Variants in TTI2 observed in about 807,000 individuals in gnomAD.
TTI2 encodes the protein TELO2 interacting protein 2.
TTI2 carries 26 observed loss-of-function variants against 44.9 expected under a neutral mutation model. That is an observed-to-expected ratio of 0.58 (90% CI 0.42 to 0.80). The LOEUF is 0.80. Among genes scored for constraint, TTI2 ranks in the 30% least tolerant of loss-of-function variants. The pLI, the probability that TTI2 is intolerant of heterozygous loss-of-function variation, is 0.00. For synonymous variants in TTI2, 254 were observed against 250.9 expected (o/e 1.01, Z -0.12); for missense variants, 582 against 611.6 (o/e 0.95, Z 0.51).
intron 3 of TTI2, among the ~76,000 whole-genome samples, chr8:33,509,148 A>AG (rs1205782428): frequency 2.1e-5 from 3 of 145,504 alleles, no homozygotes; most frequent in Admixed American, 1.4e-4. Context: ...AAAAAAAAAA[A>AG]AAAGAAAGAA....
At chr8:33,499,346 C>G (rs1585320210) in intron 7 of TTI2, 69 bp from the exon 8 acceptor site, 2 of 1,121,438 alleles carry the variant, frequency 1.8e-6, no homozygotes, top group East Asian at 4.8e-5. Flanking sequence ...TTGCTTGATT[C>G]TTCTTCCTTG....
At chr8:33,511,883 C>G in intron 2 of TTI2, 84 bp downstream of exon 2, 1 of 1,467,384 alleles carries the variant, frequency 6.8e-7, no homozygotes, top group African/African-American at 1.4e-5. Flanking sequence ...GAGTGAAACT[C>G]TGTCTCGAAA....
chr8:33,500,165 A>G, intron 7 of TTI2, 163 bp downstream of exon 7: 1 of 719,628 alleles, frequency 1.4e-6, no homozygotes, highest in Non-Finnish European at 2.2e-6. Context: ...AATAAGAAAA[A>G]AGATCAAGCT....
At chr8:33,500,626 C>T (rs576709231) in intron 6 of TTI2, 136 bp from the exon 7 acceptor site, 14 of 1,099,658 alleles carry the variant, frequency 1.3e-5, no homozygotes, top group Middle Eastern at 3.1e-4. Flanking sequence ...TGAAAAAGAC[C>T]TAAAAACAGA....
chr8:33,507,661 C>A (rs2732300), intron 3 of TTI2, among the ~76,000 whole-genome samples: 3,375 of 151,862 alleles, frequency 0.022, 61 homozygotes, highest in East Asian at 0.078. Flanking sequence ...CCTATCCATC[C>A]CCCCACCACC....
intron 6 of TTI2, among the ~76,000 whole-genome samples, chr8:33,502,986 G>A (rs1171636327): frequency 2.0e-5 from 3 of 149,804 alleles, no homozygotes; most frequent in South Asian, 4.2e-4. Flanking sequence ...AAAATTAGCC[G>A]GGCCTGGCGG....
At chr8:33,511,564 T>C (rs6989048) in intron 2 of TTI2, among the ~76,000 whole-genome samples, 103,255 of 151,916 alleles carry the variant, frequency 0.68, 35,930 homozygotes, top group African/African-American at 0.82. Context: ...GCTGAAGAAA[T>C]TGAGCTTCCT....
Position 33,512,652 on chromosome 8 carries a change from A to G in TTI2, c.-39T>C, listed in dbSNP as rs2128831931. The G allele has an allele frequency of 6.2e-7, 1 of 1,607,142 alleles. No homozygotes were observed. The highest frequency in any genetic ancestry group is 8.5e-7 in the Non-Finnish European group (1 of 1,179,290). ...ACCAGAAGGCTGGTCTCTCCCACAG[A>G]ACGAGGATGGAGGCGGGGAGGGATC... On this transcript the variant is annotated 5_prime_UTR_variant, in exon 2 of 8. Coordinates refer to ENST00000431156, the MANE Select transcript of TTI2 (RefSeq NM_001102401.4).
intron 7 of TTI2, 56 bp from the exon 8 acceptor site, chr8:33,499,333 C>T: frequency 7.9e-7 from 1 of 1,258,234 alleles, no homozygotes; most frequent in East Asian, 2.3e-5. Flanking sequence ...TTACTTTCCC[C>T]TTTTGCTTGA....
intron 3 of TTI2, among the ~76,000 whole-genome samples, chr8:33,508,087 T>TAAA (rs58891946): frequency 0.029 from 567 of 19,452 alleles, 25 homozygotes; most frequent in Middle Eastern, 0.2. Context: ...CTAGCGGTAG[T>TAAA]AAAAAAAAAA....
intron 7 of TTI2, 82 bp downstream of exon 7, chr8:33,500,246 A>G (rs1389681561): frequency 1.4e-5 from 22 of 1,550,428 alleles, no homozygotes; most frequent in Non-Finnish European, 1.9e-5. Context: ...GGTCAGGCAC[A>G]TACATAGTAA....
chr8:33,504,541 C>CCAAGGGA, intron 4 of TTI2, among the ~76,000 whole-genome samples: 1 of 151,988 alleles, frequency 6.6e-6, no homozygotes, highest in South Asian at 2.1e-4. Context: ...TCCTAAAGTG[C>CCAAGGGA]TAGGATTTAT....
Position 33,503,736 on chromosome 8 carries a change from C to T in TTI2, c.1115+12G>A, listed in dbSNP as rs1809187694. On this transcript the variant is annotated intron_variant, in intron 5 of 7. Transcript: ENST00000431156. Reference sequence around the variant, plus strand: ...GTATAAAATAATAATAAATAAAAGCCCAGGGCCTCACCTGTTCACGAAAGC... The same window carrying T: ...GTATAAAATAATAATAAATAAAAGCTCAGGGCCTCACCTGTTCACGAAAGC... 5.0e-6 allele frequency: 8 copies of T among 1,612,696 alleles called. No homozygotes were observed. The Admixed American group carries it at 6.7e-5, about 13-fold the overall frequency.
At chr8:33,508,166 G>C (rs1809376064) in intron 3 of TTI2, among the ~76,000 whole-genome samples, 1 of 135,272 alleles carries the variant, frequency 7.4e-6, no homozygotes. Context: ...AAAGCATATT[G>C]CTTTGGCCAC....
In TTI2 at chr8:33,512,706, A is replaced by C; in HGVS notation, c.-93T>G. 7.2e-7 allele frequency: 1 copy of C among 1,394,178 alleles called. No homozygotes were observed. Among genetic ancestry groups the C allele is most frequent in the Non-Finnish European group, 9.9e-7 (1 of 1,014,898 alleles). 86.4% of individuals were successfully genotyped at this position (1,394,178 alleles called of 1,614,324 possible). On this transcript the variant is annotated 5_prime_UTR_variant, in exon 2 of 8. Transcript: ENST00000431156. ...TGAAGAGGGAAGGAGCGATCACCCA[A>C]AGAGAACTAAAATCAAATAAAATAA...
At chr8:33,506,914 C>T (rs975846637) in intron 4 of TTI2, among the ~76,000 whole-genome samples, 2 of 151,696 alleles carry the variant, frequency 1.3e-5, no homozygotes, top group African/African-American at 2.4e-5. Flanking sequence ...AGGCTGGTCT[C>T]GAACTCCTGA....
intron 6 of TTI2, 65 bp from the exon 7 acceptor site, chr8:33,500,555 C>T (rs182182140): frequency 6.3e-7 from 1 of 1,577,076 alleles, no homozygotes; most frequent in East Asian, 2.3e-5. Flanking sequence ...GAAGAGACTT[C>T]AAAGACTGTC....
chr8:33,503,718 AT>A, intron 5 of TTI2, 29 bp downstream of exon 5: 2 of 1,611,402 alleles, frequency 1.2e-6, no homozygotes, highest in Non-Finnish European at 1.7e-6. Flanking sequence ...TCTGTATAAA[AT>A]AATAATAAAT....
rs1233038587 is a variant in TTI2 at position 33,509,843 on chromosome 8, T to C, written c.737A>G (p.Glu246Gly). 6 of 1,614,036 alleles carry C rather than the reference T, an allele frequency of 3.7e-6. No homozygotes were observed. The highest frequency in any genetic ancestry group is 5.1e-6 in the Non-Finnish European group (6 of 1,180,002). The part of the protein sequence containing the change: ...VTRPWLSQHL[E>G]RVLPASLVIS... ...GACCAATGATGCGGGAAGTACCCTT[T>C]CCAGATGCTGGCTCAGCCAGGGCCG... Residue 246 changes from glutamate (E) to glycine (G), a missense_variant, in exon 3 of 8, where the codon GAA (glutamate) becomes GGA (glycine). Transcript: ENST00000431156.
Sources: gnomAD v4.1 joint callset for allele counts (sites outside exome capture counted in the v4.1 genomes callset) on GRCh38, gnomAD v4.1.1 for gene constraint, MANE v1.5 for transcripts, NCBI Gene and HGNC (gene_info 2026-07-23, HGNC 2026-07-21) for gene names.